The following TNK1 variants were observed in gnomAD, a reference collection of about 807,000 sequenced individuals.
TNK1 encodes the protein tyrosine kinase non receptor 1.
In TNK1, 53 loss-of-function variants were observed where a neutral mutation model predicts 65.2. The ratio of observed to expected loss-of-function variants is 0.81; its 90% CI spans 0.65 to 1.02. TNK1 has a LOEUF of 1.02. Among genes scored for constraint, TNK1 ranks in the 50% least tolerant of loss-of-function variants. The pLI is 0.00. For synonymous variants in TNK1, 353 were observed against 364.6 expected (o/e 0.97, Z 0.36); for missense variants, 837 against 878.4 (o/e 0.95, Z 0.60).
intron 6 of TNK1, 43 bp from the exon 7 acceptor site, chr17:7,384,441 G>A: frequency 6.8e-7 from 1 of 1,475,972 alleles, no homozygotes; most frequent in Non-Finnish European, 9.0e-7. Context: ...GGGCCTCCAA[G>A]GAGCACGTGT....
At chr17:7,387,838 G>A (rs372776852) in intron 10 of TNK1, among the ~76,000 whole-genome samples, 8 of 152,248 alleles carry the variant, frequency 5.3e-5, no homozygotes, top group African/African-American at 1.2e-4. Context: ...TCCCCACCTC[G>A]GGTGATCTGC....
intron 8 of TNK1, 89 bp downstream of exon 8, chr17:7,386,744 C>T (rs764604227): frequency 1.0e-4 from 128 of 1,243,844 alleles, no homozygotes; most frequent in Admixed American, 1.6e-4. Context: ...TCTCCAGCTC[C>T]TTGAACCCTG....
In TNK1 at chr17:7,384,731, C is replaced by T. The variant is rs761509296; in HGVS notation, c.1114C>T (p.His372Tyr). 32 of 1,582,882 alleles carry T rather than the reference C, an allele frequency of 2.0e-5. No individual in the cohort carries two copies. The highest frequency in any genetic ancestry group is 3.3e-4 in the Middle Eastern group (2 of 6,060). ...CCCTGCCGACCGGCCTAGCTTTTCCCACCTGGAGGGGCTGCTGCAAGAGGT... is the reference window on the plus strand; with the variant it reads ...CCCTGCCGACCGGCCTAGCTTTTCCTACCTGGAGGGGCTGCTGCAAGAGGT... ...PHPADRPSFS[H>Y]LEGLLQEAGP... The change falls in exon 7 of 13, where the codon CAC becomes TAC. Residue 372 changes from histidine (H) to tyrosine (Y), a missense_variant. By Grantham distance (83) the His-to-Tyr change is moderately conservative. Transcript: ENST00000688331.
chr17:7,384,117 C>T lies in TNK1; in HGVS notation c.730C>T (p.Arg244Ter), dbSNP rs990211607. The T allele has an allele frequency of 1.3e-6, 2 of 1,548,496 alleles. No homozygotes were observed. Among genetic ancestry groups the T allele is most frequent in the Admixed American group, 1.9e-5 (1 of 52,630 alleles). ...AYLGARGLVH[R>*]DLATRNLLLA... ...CCTGGGGGCCCGCGGGCTGGTGCAC[C>T]GAGACCTCGCTACGCGCAACCTACT... Residue 244 changes from arginine (R) to a stop codon, truncating the protein, a stop_gained, in exon 6 of 13, where the codon CGA becomes TGA. Coordinates refer to ENST00000688331, the MANE Select transcript of TNK1 (RefSeq NM_003985.6). LOFTEE classifies it high-confidence loss of function.
Position 7,383,823 on chromosome 17 carries a change from C to T in TNK1, c.541C>T (p.Leu181=), listed in dbSNP as rs778441893. Residue 181 remains leucine, a synonymous_variant, in exon 5 of 13, where the codon CTG becomes TTG. Transcript: ENST00000688331. ...GATGAACTTGGAGCACCCACACGTG[C>T]TGCGTCTGCACGGCCTTGTACTGGG... The part of the protein sequence containing the change: ...VMMNLEHPHV[L]RLHGLVLGQP... 1 of 1,612,576 alleles carries T rather than the reference C, an allele frequency of 6.2e-7. No homozygotes were observed.
At chr17:7,381,607 C>T (rs1225241186) in intron 1 of TNK1, among the ~76,000 whole-genome samples, 1 of 152,196 alleles carries the variant, frequency 6.6e-6, no homozygotes, top group Non-Finnish European at 1.5e-5. Flanking sequence ...GACTGTGTAC[C>T]TGACAGCCTC....
At chr17:7,386,859 G>C in intron 8 of TNK1, 131 bp from the exon 9 acceptor site, 1 of 1,313,150 alleles carries the variant, frequency 7.6e-7, no homozygotes, top group South Asian at 1.5e-5. Flanking sequence ...ATTGCATTAG[G>C]GAAAAGGCTT....
At position 7,384,653 on chromosome 17, in the gene TNK1, C is replaced by T; in HGVS notation, c.1036C>T (p.Pro346Ser). 1.2e-6 allele frequency: 2 copies of T among 1,606,458 alleles called. No homozygotes were observed. The highest frequency in any genetic ancestry group is 1.7e-6 in the Non-Finnish European group (2 of 1,177,050). Reference protein sequence around the residue: ...LEDRARLPRPPLCSRALYSLA... With the variant: ...LEDRARLPRPSLCSRALYSLA... ...GGACAGAGCCCGGCTGCCTAGGCCT[C>T]CCCTCTGCTCCAGGGCCCTCTACTC... The change falls in exon 7 of 13, where the codon CCC (proline) becomes TCC (serine). Residue 346 changes from proline (P) to serine (S), a missense_variant. By Grantham distance (74) the Pro-to-Ser change is moderately conservative. Coordinates refer to ENST00000688331, the MANE Select transcript of TNK1 (RefSeq NM_003985.6).
In TNK1 at chr17:7,383,613, G is replaced by C; in HGVS notation, c.423G>C (p.Lys141Asn). The change falls in exon 4 of 13, where the codon AAG (lysine) becomes AAC (asparagine). Residue 141 changes from lysine (K) to asparagine (N), a missense_variant. Physicochemically the swap from Lys to Asn is moderately conservative, Grantham distance 94 (BLOSUM62 0). Transcript: ENST00000688331. ...HRGLWTLPSG[K>N]SVPVAVKSLR... Reference sequence around the variant, plus strand: ...GGCTGTGGACGCTGCCCAGTGGCAAGAGTGTGAGTGTCCAGGGAGCCCGCT... The same window carrying C: ...GGCTGTGGACGCTGCCCAGTGGCAACAGTGTGAGTGTCCAGGGAGCCCGCT... The C allele has an allele frequency of 1.3e-6, 2 of 1,598,162 alleles. No individual in the cohort carries two copies. Among genetic ancestry groups the C allele is most frequent in the Non-Finnish European group, 8.5e-7 (1 of 1,170,646 alleles).
rs747985379 is a variant in TNK1 at position 7,388,356 on chromosome 17, C to T, written c.1478-50C>T. 40 of 1,533,738 alleles carry T rather than the reference C, an allele frequency of 2.6e-5. No homozygotes were observed. The highest frequency in any genetic ancestry group is 1.7e-4 in the Middle Eastern group (1 of 5,722). On this transcript the variant is annotated intron_variant, in intron 10 of 12. Transcript: ENST00000688331. The surrounding 1 kb of genome is among the most constrained non-coding windows in gnomAD (Gnocchi z 4.5). ...GGGAGGATCGCTTGAGCCCGGGAGG[C>T]GGAGGCTGCAGCCAGCCGAGTTCAA... is the stretch of plus-strand genomic sequence containing the variant.
rs1415238727 is a variant in TNK1, at chr17:7,382,344, G to A, written c.-91-492G>A. ...TATATCTGTAGGTCTCAGTGTGTGT[G>A]TGTGGCAGCATGTGGGAGGCAGTGT... On this transcript the variant is annotated intron_variant, in intron 1 of 12. Transcript: ENST00000688331. This position sits in a 1 kb window ranked among gnomAD's most constrained non-coding sequence, Gnocchi z 4.1. Among the ~76,000 whole-genome samples the A allele has an allele frequency of 6.6e-6, 1 of 152,046 alleles. No individual in the cohort carries two copies. The highest frequency in any genetic ancestry group is 2.4e-5 in the African/African-American group (1 of 41,402).
intron 7 of TNK1, among the ~76,000 whole-genome samples, chr17:7,385,696 C>G (rs1410323953): frequency 6.6e-6 from 1 of 152,116 alleles, no homozygotes; most frequent in African/African-American, 2.4e-5. Context: ...TCCCGAGTAG[C>G]TGGGATTACA....
At position 7,382,608 on chromosome 17, in the gene TNK1, T is replaced by C. The variant is rs1904882345; in HGVS notation, c.-91-228T>C. ...TCCGGGTGTGTGATGTGCCGTGATATTTCAGAGTCAGGATGGTAACATACC... is the reference window on the plus strand; with the variant it reads ...TCCGGGTGTGTGATGTGCCGTGATACTTCAGAGTCAGGATGGTAACATACC... On this transcript the variant is annotated intron_variant, in intron 1 of 12. Transcript: ENST00000688331. This position sits in a 1 kb window ranked among gnomAD's most constrained non-coding sequence, Gnocchi z 4.1. Among the ~76,000 whole-genome samples, 1 of 152,166 alleles carries C rather than the reference T, an allele frequency of 6.6e-6. No individual in the cohort carries two copies. The highest frequency in any genetic ancestry group is 6.6e-5 in the Admixed American group (1 of 15,258).
chr17:7,386,540 C>A (rs1392708064), intron 7 of TNK1, 21 bp from the exon 8 acceptor site: 3 of 1,580,446 alleles, frequency 1.9e-6, no homozygotes, highest in Non-Finnish European at 2.6e-6. Context: ...GCCCAGCCAC[C>A]CTTTCCTCTT....
In TNK1 at chr17:7,383,505, G is replaced by A. The variant is rs1354577269; in HGVS notation, c.315G>A (p.Gly105=). 1 of 1,613,896 alleles carries A rather than the reference G, an allele frequency of 6.2e-7. No individual in the cohort carries two copies. Among genetic ancestry groups the A allele is most frequent in the Non-Finnish European group, 8.5e-7 (1 of 1,179,886 alleles). ...CACGGCACCTCCCTGAGCCAGAGGG[G>A]GGCCTCAAGTGTCTGATCCCAGAGG... is the stretch of plus-strand genomic sequence containing the variant. ...DSPRHLPEPE[G]GLKCLIPEGA... is the part of the protein sequence containing the mutation. Residue 105 remains glycine, a synonymous_variant, in exon 4 of 13, where the codon GGG becomes GGA. Coordinates refer to ENST00000688331, the MANE Select transcript of TNK1 (RefSeq NM_003985.6).
Position 7,387,026 on chromosome 17 carries a change from C to T in TNK1, c.1269C>T (p.Arg423=). ...CAATCTGGAAGGGCCAGAATGGTCG[C>T]ACCTTCAAAGTGGGCAGCTTCCCAG... ...DSTIWKGQNG[R]TFKVGSFPAS... Residue 423 remains arginine (R), a synonymous_variant, in exon 9 of 13, where the codon CGC becomes CGT. Transcript: ENST00000688331. 6.3e-7 allele frequency: 1 copy of T among 1,598,796 alleles called. No individual in the cohort carries two copies. Among genetic ancestry groups the T allele is most frequent in the Non-Finnish European group, 8.5e-7 (1 of 1,172,976 alleles).
chr17:7,383,772 G>A lies in TNK1; in HGVS notation c.490G>A (p.Asp164Asn). The change falls in exon 5 of 13, where the codon GAC becomes AAC. Residue 164 changes from aspartate (D) to asparagine (N), a missense_variant. By Grantham distance (23) the Asp-to-Asn change is conservative (BLOSUM62 1). Coordinates refer to ENST00000688331, the MANE Select transcript of TNK1 (RefSeq NM_003985.6). ...AGGCCCGATGGGCACAGAACTGGGGGACTTCCTGCGAGAGGTATCGGTCAT... is the reference window on the plus strand; with the variant it reads ...AGGCCCGATGGGCACAGAACTGGGGAACTTCCTGCGAGAGGTATCGGTCAT... Reference protein sequence around the residue: ...PEGPMGTELGDFLREVSVMMN... With the variant: ...PEGPMGTELGNFLREVSVMMN... 1 of 1,612,878 alleles carries A rather than the reference G, an allele frequency of 6.2e-7. No homozygotes were observed. Among genetic ancestry groups the A allele is most frequent in the Non-Finnish European group, 8.5e-7 (1 of 1,179,416 alleles).
Position 7,384,102 on chromosome 17 carries a change from C to G in TNK1, c.715C>G (p.Arg239Gly), listed in dbSNP as rs778186900. 1 of 1,545,982 alleles carries G rather than the reference C, an allele frequency of 6.5e-7. No individual in the cohort carries two copies. The highest frequency in any genetic ancestry group is 8.7e-7 in the Non-Finnish European group (1 of 1,153,594). ...GGGAGCCATGGCGTACCTGGGGGCC[C>G]GCGGGCTGGTGCACCGAGACCTCGC... ...LAGAMAYLGA[R>G]GLVHRDLATR... Residue 239 changes from arginine to glycine, a missense_variant, in exon 6 of 13, where the codon CGC becomes GGC. Transcript: ENST00000688331.
upstream of TNK1, chr17:7,380,806 AG>A (rs1323979030): frequency 6.6e-6 from 1 of 152,438 alleles, no homozygotes; most frequent in Non-Finnish European, 1.5e-5. Flanking sequence ...ACAGAGACAG[AG>A]GAGTGAAGTC....
Sources: gnomAD v4.1 joint callset for allele counts (sites outside exome capture counted in the v4.1 genomes callset) on GRCh38, gnomAD v4.1.1 for gene constraint, Gnocchi (gnomAD v3.1) non-coding constraint, MANE v1.5 for transcripts, NCBI Gene and HGNC (gene_info 2026-07-23, HGNC 2026-07-21) for gene names.